The following IFIT1 variants were observed in gnomAD, a reference collection of about 807,000 sequenced individuals.
IFIT1 encodes the protein antiviral innate immune response effector IFIT1.
A neutral mutation model predicts 2.5 loss-of-function variants in IFIT1; 1 was observed. The observed-to-expected ratio is 0.40, with a 90% CI of 0.14 to 1.92. IFIT1 has a LOEUF of 1.92. Ranked by LOEUF, IFIT1 falls within the 40% of genes most tolerant of loss-of-function variation. The pLI, the probability that IFIT1 is intolerant of heterozygous loss-of-function variation, is 0.31. For missense variants in IFIT1, 508 were observed against 557.8 expected (o/e 0.91, Z 0.90); for synonymous variants, 191 against 201.7 (o/e 0.95, Z 0.45).
chr10:89,393,058 T>C (rs1450527398), intron 1 of IFIT1: 3 of 1,005,404 alleles, frequency 3.0e-6, no homozygotes, highest in South Asian at 2.9e-5. Flanking sequence ...CTGTCTGATA[T>C]GGGGAAGGAA....
At chr10:89,402,208 A>C in intron 1 of IFIT1, 73 bp from the exon 2 acceptor site, 4 of 890,684 alleles carry the variant, frequency 4.5e-6, no homozygotes, top group Non-Finnish European at 7.1e-6. Context: ...ACTAAAATAC[A>C]AGGTATTTTA....
rs562544471 is a variant in IFIT1, at chr10:89,396,316, T to A, written c.5+3599T>A. On this transcript the variant is annotated intron_variant, in intron 1 of 1. Coordinates refer to ENST00000371804, the MANE Select transcript of IFIT1 (RefSeq NM_001548.5). ...GCAACAATTTCTAAGGCTGGGCAAT[T>A]TCTAAAGAAAAAAGGTTTATTTAGC... Among the ~76,000 whole-genome samples the A allele has an allele frequency of 2.6e-5, 4 of 152,288 alleles. No homozygotes were observed. The South Asian group carries it at 6.2e-4, about 24-fold the overall frequency.
At position 89,404,024 on chromosome 10, in the gene IFIT1, A is replaced by ACGGCGACCACCG; in HGVS notation, c.*312_*313insCGGCGACCACCG. The ACGGCGACCACCG allele has an allele frequency of 4.8e-6, 1 of 210,482 alleles. No homozygotes were observed. The highest frequency in any genetic ancestry group is 1.4e-4 in the South Asian group (1 of 7,170). 13.0% of individuals were successfully genotyped at this position (210,482 alleles called of 1,614,324 possible). Reference sequence around the variant, plus strand: ...ATTCATTTTATTGTGAAATAAAAATAAAATCCTTAGCTCCTCCACCAACTG... The same window carrying ACGGCGACCACCG: ...ATTCATTTTATTGTGAAATAAAAATACGGCGACCACCGAAATCCTTAGCTCCTCCACCAACTG... On this transcript the variant is annotated 3_prime_UTR_variant, in exon 2 of 2. Transcript: ENST00000371804.
Position 89,394,629 on chromosome 10 carries a change from A to ATATAT in IFIT1, c.5+1912_5+1913insTATAT, listed in dbSNP as rs1429080862. On this transcript the variant is annotated intron_variant, in intron 1 of 1. Transcript: ENST00000371804. ...ATATATATATATATATATATATATA[A>ATATAT]AACTTGAATTTTATTCAGGTTAGCA... Among the ~76,000 whole-genome samples the ATATAT allele has an allele frequency of 2.3e-3, 61 of 26,234 alleles. 8 individuals carry two copies. Among genetic ancestry groups the ATATAT allele is most frequent in the African/African-American group, 9.3e-3 (55 of 5,926 alleles). 17.2% of individuals were successfully genotyped at this position (26,234 alleles called of 152,430 possible).
Position 89,403,471 on chromosome 10 carries a change from T to C in IFIT1, c.1196T>C (p.Ile399Thr). The change falls in exon 2 of 2, where the codon ATT (isoleucine) becomes ACT (threonine). Residue 399 changes from isoleucine (I) to threonine (T), a missense_variant. Ile to Thr is a moderately conservative substitution (Grantham distance 89). Transcript: ENST00000371804. ...EFQKKSDVNA[I>T]IHYLKAIKIE... is the part of the protein sequence containing the mutation. ...CAAAAGAAATCTGACGTCAATGCAATTATCCATTATTTAAAAGCTATAAAA... is the reference window on the plus strand; with the variant it reads ...CAAAAGAAATCTGACGTCAATGCAACTATCCATTATTTAAAAGCTATAAAA... The C allele has an allele frequency of 6.2e-7, 1 of 1,612,900 alleles. No individual in the cohort carries two copies. Among genetic ancestry groups the C allele is most frequent in the Non-Finnish European group, 8.5e-7 (1 of 1,179,396 alleles).
rs771744609 is a variant in IFIT1, at chr10:89,403,464, A to C, written c.1189A>C (p.Asn397His). Reference protein sequence around the residue: ...FQEFQKKSDVNAIIHYLKAIK... With the variant: ...FQEFQKKSDVHAIIHYLKAIK... ...GGAATTTCAAAAGAAATCTGACGTC[A>C]ATGCAATTATCCATTATTTAAAAGC... Residue 397 changes from asparagine to histidine, a missense_variant, in exon 2 of 2, where the codon AAT becomes CAT. Physicochemically the swap from Asn to His is moderately conservative, Grantham distance 68. Coordinates refer to ENST00000371804, the MANE Select transcript of IFIT1 (RefSeq NM_001548.5). 14 of 1,613,370 alleles carry C rather than the reference A, an allele frequency of 8.7e-6. No individual in the cohort carries two copies. Among genetic ancestry groups the C allele is most frequent in the Non-Finnish European group, 1.2e-5 (14 of 1,179,652 alleles).
chr10:89,401,119 CTTT>C (rs34774861), intron 1 of IFIT1, among the ~76,000 whole-genome samples: 2 of 139,916 alleles, frequency 1.4e-5, no homozygotes, highest in Non-Finnish European at 1.6e-5. Flanking sequence ...ATTTAGATGA[CTTT>C]TTTTTTTTTT....
chr10:89,402,357 GAT>G lies in IFIT1; in HGVS notation c.83_84del (p.Asp28GlyfsTer3). The G allele has an allele frequency of 6.2e-7, 1 of 1,614,116 alleles. No homozygotes were observed. The highest frequency in any genetic ancestry group is 8.5e-7 in the Non-Finnish European group (1 of 1,179,966). On this transcript the variant is annotated frameshift_variant, in exon 2 of 2. Coordinates refer to ENST00000371804, the MANE Select transcript of IFIT1 (RefSeq NM_001548.5). LOFTEE classifies it low-confidence loss of function (END_TRUNC). Reference protein sequence around the residue: ...RCHFTWELSIDDDEMPDLENR... With the variant: ...RCHFTWELSIXDDEMPDLENR... ...TCACTTTACATGGGAGTTATCCATT[GAT>G]GACGATGAAATGCCTGATTTAGAAA...
At position 89,403,830 on chromosome 10, in the gene IFIT1, GAAT is replaced by G. The variant is rs1228182880; in HGVS notation, c.*124_*126del. On this transcript the variant is annotated 3_prime_UTR_variant, in exon 2 of 2. Transcript: ENST00000371804. ...AATTCACTGTAATGATGTAATTCTTGAATAATAAATCTGACAAAATATTAGTTG... is the reference window on the plus strand; with the variant it reads ...AATTCACTGTAATGATGTAATTCTTGAATAAATCTGACAAAATATTAGTTG... 8.0e-6 allele frequency: 5 copies of G among 628,628 alleles called. No individual in the cohort carries two copies. The highest frequency in any genetic ancestry group is 1.3e-5 in the Non-Finnish European group (5 of 372,904). The allele number at this position is 628,628 out of a possible 1,614,324, so 38.9% of individuals were successfully genotyped here.
At position 89,405,686 on chromosome 10, in the gene IFIT1, A is replaced by G. The variant is rs1844518283; in HGVS notation, c.*1974A>G. 1 of 152,206 alleles carries G rather than the reference A, an allele frequency of 6.6e-6. No homozygotes were observed. The highest frequency in any genetic ancestry group is 1.5e-5 in the Non-Finnish European group (1 of 68,042). 9.4% of individuals were successfully genotyped at this position (152,206 alleles called of 1,614,324 possible). On this transcript the variant is annotated 3_prime_UTR_variant, in exon 2 of 2. Transcript: ENST00000371804. The stretch of plus-strand genomic sequence containing the variant: ...AAAAACCAACAGTGTAGTAGCCTCA[A>G]ATCTCTCTCTCTGCTTCCTTCTTCA...
chr10:89,403,092 T>G lies in IFIT1; in HGVS notation c.817T>G (p.Leu273Val). 6.2e-7 allele frequency: 1 copy of G among 1,614,008 alleles called. No individual in the cohort carries two copies. Among genetic ancestry groups the G allele is most frequent in the Non-Finnish European group, 8.5e-7 (1 of 1,179,988 alleles). ...AGGCTCTGTGGATAAAGCTCTTGAG[T>G]TATTAAAAAAGGCCTTGCAGGAAAC... is the stretch of plus-strand genomic sequence containing the variant. ...RKGSVDKALE[L>V]LKKALQETPT... The change falls in exon 2 of 2, where the codon TTA (leucine) becomes GTA (valine). Residue 273 changes from leucine to valine, a missense_variant. Transcript: ENST00000371804.
At position 89,404,016 on chromosome 10, in the gene IFIT1, A is replaced by T; in HGVS notation, c.*304A>T. The T allele has an allele frequency of 4.4e-6, 1 of 224,748 alleles. No homozygotes were observed. The highest frequency in any genetic ancestry group is 1.4e-4 in the South Asian group (1 of 7,230). The allele number at this position is 224,748 out of a possible 1,614,324, so 13.9% of individuals were successfully genotyped here. A position where few individuals can be genotyped will look rare whatever the true frequency, so the allele number is the denominator to read the frequency against. ...TTTAATTCATTCATTTTATTGTGAA[A>T]TAAAAATAAAATCCTTAGCTCCTCC... is the stretch of plus-strand genomic sequence containing the variant. On this transcript the variant is annotated 3_prime_UTR_variant, in exon 2 of 2. Transcript: ENST00000371804.
In IFIT1 at chr10:89,402,936, G is replaced by T. The variant is rs778430194; in HGVS notation, c.661G>T (p.Val221Phe). ...AAATCCAGACAATGGATATATTAAGGTTCTCCTTGCCCTGAAGCTTCAGGA... is the reference window on the plus strand; with the variant it reads ...AAATCCAGACAATGGATATATTAAGTTTCTCCTTGCCCTGAAGCTTCAGGA... ...RLNPDNGYIKVLLALKLQDEG... is the reference protein window; with the variant it reads ...RLNPDNGYIKFLLALKLQDEG... Residue 221 changes from valine to phenylalanine, a missense_variant, in exon 2 of 2, where the codon GTT becomes TTT. Val to Phe is a conservative substitution (Grantham distance 50, BLOSUM62 -1). Transcript: ENST00000371804. The T allele has an allele frequency of 6.2e-6, 10 of 1,614,038 alleles. No individual in the cohort carries two copies. In the African/African-American group the frequency reaches 9.3e-5, roughly 15 times the overall value.
At position 89,404,762 on chromosome 10, in the gene IFIT1, C is replaced by T. The variant is rs1001348079; in HGVS notation, c.*1050C>T. 6.6e-6 allele frequency: 1 copy of T among 152,198 alleles called. No individual in the cohort carries two copies. Among genetic ancestry groups the T allele is most frequent in the South Asian group, 2.1e-4 (1 of 4,826 alleles). The allele number at this position is 152,198 out of a possible 1,614,324, so 9.4% of individuals were successfully genotyped here. A position where few individuals can be genotyped will look rare whatever the true frequency, so the allele number is the denominator to read the frequency against. ...CTGAACCCAGGAGTTCGAGAGCAGC[C>T]TTGGCAATGGCAAAACCAACCGTCT... On this transcript the variant is annotated 3_prime_UTR_variant, in exon 2 of 2. Transcript: ENST00000371804.
Position 89,403,611 on chromosome 10 carries a change from G to A in IFIT1, c.1336G>A (p.Val446Ile), listed in dbSNP as rs375850117. Reference protein sequence around the residue: ...DLESLSLLGFVYKLEGNMNEA... With the variant: ...DLESLSLLGFIYKLEGNMNEA... ...GGAAAGCTTGAGCCTCCTTGGGTTC[G>A]TCTACAAATTGGAAGGAAATATGAA... Residue 446 changes from valine to isoleucine, a missense_variant, in exon 2 of 2, where the codon GTC becomes ATC. Transcript: ENST00000371804. 141 of 1,614,040 alleles carry A rather than the reference G, an allele frequency of 8.7e-5. No homozygotes were observed. Among genetic ancestry groups the A allele is most frequent in the Non-Finnish European group, 1.0e-4 (121 of 1,179,936 alleles).
At position 89,403,113 on chromosome 10, in the gene IFIT1, G is replaced by T; in HGVS notation, c.838G>T (p.Glu280Ter). The change falls in exon 2 of 2, where the codon GAA becomes TAA. Residue 280 changes from glutamate to a stop codon, truncating the protein, a stop_gained. Transcript: ENST00000371804. LOFTEE classifies it low-confidence loss of function (END_TRUNC). ...ALELLKKALQ[E>*]TPTSVLLHHQ... ...TGAGTTATTAAAAAAGGCCTTGCAG[G>T]AAACACCCACTTCTGTCTTACTGCA... is the stretch of plus-strand genomic sequence containing the variant. 7 of 1,614,122 alleles carry T rather than the reference G, an allele frequency of 4.3e-6. No homozygotes were observed. Among genetic ancestry groups the T allele is most frequent in the Non-Finnish European group, 5.9e-6 (7 of 1,180,002 alleles).
rs1844492079 is a variant in IFIT1 at position 89,404,169 on chromosome 10, C to CT, written c.*462dup. The CT allele has an allele frequency of 6.5e-6, 1 of 152,926 alleles. No individual in the cohort carries two copies. Among genetic ancestry groups the CT allele is most frequent in the South Asian group, 2.1e-4 (1 of 4,860 alleles). The allele number at this position is 152,926 out of a possible 1,614,324, so 9.5% of individuals were successfully genotyped here. ...CCCTCCCTTGCTAACTGCCATTGGA[C>CT]TTTTTCCACTGAGTTAAACAGAAAC... On this transcript the variant is annotated 3_prime_UTR_variant, in exon 2 of 2. Coordinates refer to ENST00000371804, the MANE Select transcript of IFIT1 (RefSeq NM_001548.5).
Position 89,403,284 on chromosome 10 carries a change from C to A in IFIT1, c.1009C>A (p.Pro337Thr), listed in dbSNP as rs1358849261. ...FHFESAVEKK[P>T]TFEVAHLDLA... is the part of the protein sequence containing the mutation. ...TTTTGAATCTGCAGTGGAAAAAAAG[C>A]CCACATTTGAGGTGGCTCATCTAGA... The change falls in exon 2 of 2, where the codon CCC (proline) becomes ACC (threonine). Residue 337 changes from proline to threonine, a missense_variant. Transcript: ENST00000371804. The A allele has an allele frequency of 1.2e-5, 20 of 1,613,950 alleles. No homozygotes were observed. Among genetic ancestry groups the A allele is most frequent in the Non-Finnish European group, 1.7e-5 (20 of 1,180,026 alleles).
At position 89,403,040 on chromosome 10, in the gene IFIT1, A is replaced by G; in HGVS notation, c.765A>G (p.Arg255=). The G allele has an allele frequency of 6.2e-7, 1 of 1,614,214 alleles. No homozygotes were observed. The highest frequency in any genetic ancestry group is 8.5e-7 in the Non-Finnish European group (1 of 1,180,026). The part of the protein sequence containing the change: ...ANMSSQTYVF[R]YAAKFYRRKG... Reference sequence around the variant, plus strand: ...TGTCCTCACAGACCTATGTCTTTCGATATGCAGCCAAGTTTTACCGAAGAA... The same window carrying G: ...TGTCCTCACAGACCTATGTCTTTCGGTATGCAGCCAAGTTTTACCGAAGAA... The change falls in exon 2 of 2, where the codon CGA becomes CGG. Residue 255 remains arginine (R), a synonymous_variant. Transcript: ENST00000371804.
Sources: gnomAD v4.1 joint callset for allele counts (sites outside exome capture counted in the v4.1 genomes callset) on GRCh38, gnomAD v4.1.1 for gene constraint, MANE v1.5 for transcripts, NCBI Gene and HGNC (gene_info 2026-07-23, HGNC 2026-07-21) for gene names.